Variants in CNTN5 observed in about 807,000 individuals in gnomAD.
CNTN5 encodes the protein contactin 5.
A neutral mutation model predicts 129.1 loss-of-function variants in CNTN5; 77 were observed. The ratio of observed to expected loss-of-function variants is 0.60; its 90% CI spans 0.50 to 0.72. The LOEUF is 0.72. Among genes scored for constraint, CNTN5 ranks in the 30% least tolerant of loss-of-function variants. The pLI, the probability that CNTN5 is intolerant of heterozygous loss-of-function variation, is 0.00. For synonymous variants in CNTN5, 509 were observed against 465.6 expected (o/e 1.09, Z -1.20); for missense variants, 1,478 against 1,328.8 (o/e 1.11, Z -1.75).
At chr11:99,201,723 C>T (rs1859219395) in intron 1 of CNTN5, among the ~76,000 whole-genome samples, 1 of 152,096 alleles carries the variant, frequency 6.6e-6, no homozygotes, top group Non-Finnish European at 1.5e-5. Flanking sequence ...AGGAAAGGCA[C>T]AGAGGATTCA....
At chr11:100,315,543 G>A (rs958970021) in intron 21 of CNTN5, among the ~76,000 whole-genome samples, 3 of 152,206 alleles carry the variant, frequency 2.0e-5, no homozygotes, top group African/African-American at 7.2e-5. Flanking sequence ...GTTTCTGAGT[G>A]GATCCATCTT....
chr11:99,345,838 A>G (rs1937814097), intron 2 of CNTN5, among the ~76,000 whole-genome samples: 2 of 152,226 alleles, frequency 1.3e-5, no homozygotes, highest in Non-Finnish European at 2.9e-5. Context: ...CCTTTGAAAT[A>G]GAATTATTAA....
chr11:99,128,684 A>G (rs945553234), intron 1 of CNTN5, among the ~76,000 whole-genome samples: 1 of 152,158 alleles, frequency 6.6e-6, no homozygotes, highest in Non-Finnish European at 1.5e-5. Context: ...AGACCTCCCA[A>G]CAGGGGTCAC....
chr11:99,880,993 T>G (rs952531665), intron 6 of CNTN5, among the ~76,000 whole-genome samples: 65 of 152,190 alleles, frequency 4.3e-4, no homozygotes, highest in Non-Finnish European at 4.1e-4. Flanking sequence ...CTGAGAAAAT[T>G]AAGGCTAACT....
chr11:99,220,824 T>G lies in CNTN5; in HGVS notation c.-209-104522T>G, dbSNP rs2135701605. 1.3e-5 allele frequency among the ~76,000 whole-genome samples: 2 copies of G among 151,960 alleles called. 1 individual carries two copies. Among genetic ancestry groups the G allele is most frequent in the East Asian group, 3.9e-4 (2 of 5,178 alleles). ...AAATCAACCTGACGCAATACAAAAG[T>G]ATAAATGTAAGCCACTCAAATAATT... is the stretch of plus-strand genomic sequence containing the variant. On this transcript the variant is annotated intron_variant, in intron 1 of 24. Coordinates refer to ENST00000524871, the MANE Select transcript of CNTN5 (RefSeq NM_014361.4).
chr11:99,848,302 T>C (rs527607362), intron 6 of CNTN5, among the ~76,000 whole-genome samples: 1 of 152,302 alleles, frequency 6.6e-6, no homozygotes, highest in African/African-American at 2.4e-5. Context: ...ATATATTTAA[T>C]AGAATATACT....
At chr11:100,228,559 C>T (rs921373114) in intron 16 of CNTN5, among the ~76,000 whole-genome samples, 5 of 152,222 alleles carry the variant, frequency 3.3e-5, no homozygotes, top group African/African-American at 1.2e-4. Context: ...AACTCAACCA[C>T]TTTTCACTGC....
intron 2 of CNTN5, among the ~76,000 whole-genome samples, chr11:99,440,271 A>C (rs1049068148): frequency 5.9e-5 from 9 of 152,058 alleles, no homozygotes; most frequent in African/African-American, 2.2e-4. Context: ...TTGCTGTTGA[A>C]ATTTTCTTAT....
At chr11:99,522,490 G>A (rs1947308548) in intron 2 of CNTN5, among the ~76,000 whole-genome samples, 1 of 151,946 alleles carries the variant, frequency 6.6e-6, no homozygotes, top group African/African-American at 2.4e-5. Context: ...TTCTAGGAAA[G>A]TTTTATCCAT....
At chr11:99,090,882 C>T (rs1307577302) in intron 1 of CNTN5, among the ~76,000 whole-genome samples, 2 of 151,788 alleles carry the variant, frequency 1.3e-5, no homozygotes, top group Admixed American at 1.3e-4. Flanking sequence ...ATTAGCCCGT[C>T]GCGGTGGCAG....
At chr11:100,084,669 GA>G (rs527574160) in intron 13 of CNTN5, among the ~76,000 whole-genome samples, 2 of 149,580 alleles carry the variant, frequency 1.3e-5, no homozygotes, top group South Asian at 4.2e-4. Context: ...TGTGGTTTCT[GA>G]AAAAAAAAGA....
intron 13 of CNTN5, among the ~76,000 whole-genome samples, chr11:100,115,405 A>G (rs1461856693): frequency 6.6e-6 from 1 of 152,146 alleles, no homozygotes; most frequent in Non-Finnish European, 1.5e-5. Context: ...CTACAAACAC[A>G]CACACCAAAA....
At chr11:99,483,300 G>A (rs1040066589) in intron 2 of CNTN5, among the ~76,000 whole-genome samples, 2 of 152,028 alleles carry the variant, frequency 1.3e-5, no homozygotes, top group South Asian at 4.1e-4. Flanking sequence ...TTTGACTTGG[G>A]GTTTTATACA....
chr11:100,128,586 G>A (rs960512005), intron 13 of CNTN5, among the ~76,000 whole-genome samples: 34 of 152,022 alleles, frequency 2.2e-4, no homozygotes, highest in African/African-American at 8.0e-4. Context: ...AGCAAAACAG[G>A]GAGACAGAAT....
At chr11:100,121,103 A>G (rs1946006467) in intron 13 of CNTN5, among the ~76,000 whole-genome samples, 1 of 152,012 alleles carries the variant, frequency 6.6e-6, no homozygotes, top group Non-Finnish European at 1.5e-5. Context: ...ATGAAGACCC[A>G]ACTCACTCAA....
chr11:100,143,453 G>A (rs949221530), intron 13 of CNTN5, among the ~76,000 whole-genome samples: 6 of 151,976 alleles, frequency 3.9e-5, no homozygotes, highest in Non-Finnish European at 8.8e-5. Context: ...AGACTCGCTG[G>A]GCAAAACCTA....
intron 13 of CNTN5, among the ~76,000 whole-genome samples, chr11:100,139,360 A>G (rs1031447712): frequency 6.6e-6 from 1 of 152,170 alleles, no homozygotes; most frequent in Non-Finnish European, 1.5e-5. Context: ...AGTCATTTAG[A>G]TAGAAGAAAA....
At chr11:100,309,507 T>A in intron 21 of CNTN5, 3 of 971,520 alleles carry the variant, frequency 3.1e-6, no homozygotes, top group Non-Finnish European at 3.7e-6. Context: ...GACTTATTTC[T>A]ACAATCTTGC....
chr11:99,956,049 C>G (rs866925603), intron 7 of CNTN5, among the ~76,000 whole-genome samples: 1 of 151,700 alleles, frequency 6.6e-6, no homozygotes, highest in South Asian at 2.1e-4. Context: ...AGAAGGAGCT[C>G]CTAACATAAT....
Sources: allele counts gnomAD v4.1 joint callset (sites outside exome capture counted in the v4.1 genomes callset), GRCh38; gene constraint gnomAD v4.1.1; transcripts MANE v1.5; gene names NCBI Gene and HGNC (gene_info 2026-07-23, HGNC 2026-07-21).